AFAP1L1: variants seen among roughly 807,000 people sequenced by gnomAD.
AFAP1L1 encodes the protein actin filament-associated protein 1-like 1.
In AFAP1L1, 77 loss-of-function variants were observed where a neutral mutation model predicts 99.8. The observed-to-expected ratio is 0.77, with a 90% CI of 0.64 to 0.93. The LOEUF is 0.93. AFAP1L1 is among the 40% of genes least tolerant of loss of function. AFAP1L1 has a pLI of 0.00. For synonymous variants in AFAP1L1, 373 were observed against 395.3 expected (o/e 0.94, Z 0.67); for missense variants, 893 against 996.8 (o/e 0.90, Z 1.40).
intron 1 of AFAP1L1, among the ~76,000 whole-genome samples, chr5:149,287,668 C>T (rs1280567506): frequency 6.6e-6 from 1 of 151,854 alleles, no homozygotes; most frequent in East Asian, 1.9e-4. Flanking sequence ...ATGCAGCCTC[C>T]ACCTCCTGGG....
intron 1 of AFAP1L1, among the ~76,000 whole-genome samples, chr5:149,273,126 C>T (rs979842552): frequency 6.6e-6 from 1 of 150,716 alleles, no homozygotes; most frequent in Admixed American, 6.6e-5. Flanking sequence ...AATCAGAACC[C>T]CAGGGTTTCA....
chr5:149,300,554 C>T (rs928232764), intron 3 of AFAP1L1, among the ~76,000 whole-genome samples, 200 bp downstream of exon 3: 4 of 152,238 alleles, frequency 2.6e-5, no homozygotes, highest in African/African-American at 9.6e-5. Context: ...AGCTCAGAGA[C>T]TTGAGGAATG....
At chr5:149,337,291 C>T (rs1454847313) in intron 18 of AFAP1L1, among the ~76,000 whole-genome samples, 1 of 152,072 alleles carries the variant, frequency 6.6e-6, no homozygotes, top group African/African-American at 2.4e-5. Flanking sequence ...TAAAAAGTCA[C>T]TTTTTACTGT....
chr5:149,292,882 C>A (rs543568101), intron 1 of AFAP1L1, among the ~76,000 whole-genome samples: 1 of 152,294 alleles, frequency 6.6e-6, no homozygotes, highest in South Asian at 2.1e-4. Flanking sequence ...CAGCAAGGAC[C>A]CAGGATTCCT....
At chr5:149,276,689 C>G (rs1247652124) in intron 1 of AFAP1L1, 1 of 152,326 alleles carries the variant, frequency 6.6e-6, no homozygotes, top group Non-Finnish European at 1.5e-5. Context: ...CCCACACTCA[C>G]CATTAATAAG....
chr5:149,321,738 A>G (rs529344589), intron 14 of AFAP1L1, among the ~76,000 whole-genome samples: 132 of 150,906 alleles, frequency 8.7e-4, no homozygotes, highest in African/African-American at 3.2e-3. Flanking sequence ...AAAAAAAAAA[A>G]AAAAAAAAAC....
At chr5:149,330,770 G>A (rs929130599) in intron 16 of AFAP1L1, among the ~76,000 whole-genome samples, 12 of 152,080 alleles carry the variant, frequency 7.9e-5, no homozygotes, top group Non-Finnish European at 4.4e-5. Context: ...CACTACCACT[G>A]TGTAACATAT....
intron 6 of AFAP1L1, 75 bp downstream of exon 6, chr5:149,306,479 T>C: frequency 7.3e-7 from 1 of 1,371,694 alleles, no homozygotes; most frequent in East Asian, 2.5e-5. Context: ...TCCTGGCCCT[T>C]AGCATGGGTG....
At chr5:149,308,110 C>A (rs1376704154) in intron 7 of AFAP1L1, among the ~76,000 whole-genome samples, 1 of 152,096 alleles carries the variant, frequency 6.6e-6, no homozygotes, top group Non-Finnish European at 1.5e-5. Context: ...GATCATACCA[C>A]TACACTCCAA....
rs566957401 is a variant in AFAP1L1 at position 149,304,659 on chromosome 5, G to A, written c.437-1647G>A. ...GAGTATCCTTCCTCTCGCTCACAGC[G>A]TCCAGCCCTGCCAGGTGTCTGAGTA... is the stretch of plus-strand genomic sequence containing the variant. On this transcript the variant is annotated intron_variant, in intron 5 of 18. Coordinates refer to ENST00000296721, the MANE Select transcript of AFAP1L1 (RefSeq NM_152406.4). Among the ~76,000 whole-genome samples, 10 of 152,294 alleles carry A rather than the reference G, an allele frequency of 6.6e-5. No homozygotes were observed. In the East Asian group the frequency reaches 9.7e-4, roughly 15 times the overall value.
At chr5:149,322,879 A>T (rs535067679) in intron 15 of AFAP1L1, among the ~76,000 whole-genome samples, 162 bp downstream of exon 15, 42 of 152,280 alleles carry the variant, frequency 2.8e-4, no homozygotes, top group African/African-American at 9.9e-4. Flanking sequence ...AAGCACAATG[A>T]TAAAGGGCAG....
rs1213352034 is a variant in AFAP1L1, at chr5:149,271,920, C to T, written c.-49C>T. On this transcript the variant is annotated 5_prime_UTR_variant, in exon 1 of 19. Coordinates refer to ENST00000296721, the MANE Select transcript of AFAP1L1 (RefSeq NM_152406.4). ...GCGCGCCGGCCGCTACCAGCCGCGC[C>T]GGAGCCCCTGCGCCCTGCGGCCCGC... 3 of 1,214,958 alleles carry T rather than the reference C, an allele frequency of 2.5e-6. No homozygotes were observed. Among genetic ancestry groups the T allele is most frequent in the African/African-American group, 1.6e-5 (1 of 63,546 alleles). The allele number at this position is 1,214,958 out of a possible 1,614,324, so 75.3% of individuals were successfully genotyped here. A position where few individuals can be genotyped will look rare whatever the true frequency, so the allele number is the denominator to read the frequency against.
chr5:149,316,040 T>C, intron 10 of AFAP1L1, 111 bp from the exon 11 acceptor site: 2 of 1,571,246 alleles, frequency 1.3e-6, no homozygotes, highest in Non-Finnish European at 1.7e-6. Context: ...TGGCCTGCCA[T>C]CCCTGGAGCT....
rs750175676 is a variant in AFAP1L1, at chr5:149,329,701, G to A, written c.1846G>A (p.Glu616Lys). ...NQYKYGKNRA[E>K]EDARRYLVEK... ...ATACAAGTATGGCAAGAACCGAGCC[G>A]AGGAGGATGCCCGGAGGTACTTGGT... Residue 616 changes from glutamate (E) to lysine (K), a missense_variant, in exon 16 of 19, where the codon GAG becomes AAG. Coordinates refer to ENST00000296721, the MANE Select transcript of AFAP1L1 (RefSeq NM_152406.4). The A allele has an allele frequency of 1.6e-5, 26 of 1,613,922 alleles. No individual in the cohort carries two copies. The highest frequency in any genetic ancestry group is 5.5e-5 in the South Asian group (5 of 91,058).
chr5:149,306,192 G>A, intron 5 of AFAP1L1, 114 bp from the exon 6 acceptor site: 2 of 812,132 alleles, frequency 2.5e-6, no homozygotes, highest in Non-Finnish European at 1.9e-6. Flanking sequence ...GCTGCTCAGA[G>A]TGCCTGCTGT....
chr5:149,281,913 G>A (rs1230302440), intron 1 of AFAP1L1, among the ~76,000 whole-genome samples: 1 of 152,182 alleles, frequency 6.6e-6, no homozygotes, highest in African/African-American at 2.4e-5. Flanking sequence ...AGGGGGTATA[G>A]CCGGGCAGCC....
At chr5:149,293,150 A>G (rs1460405642) in intron 1 of AFAP1L1, among the ~76,000 whole-genome samples, 2 of 152,230 alleles carry the variant, frequency 1.3e-5, no homozygotes, top group Non-Finnish European at 2.9e-5. Context: ...GCGATCACAG[A>G]TGAGTGAAGA....
chr5:149,314,825 A>T (rs1236684844), intron 9 of AFAP1L1, among the ~76,000 whole-genome samples: 3 of 152,222 alleles, frequency 2.0e-5, no homozygotes, highest in African/African-American at 7.2e-5. Flanking sequence ...GAGCTCTGTA[A>T]TTCCACCTTC....
chr5:149,328,342 C>T (rs1289778685), intron 15 of AFAP1L1, among the ~76,000 whole-genome samples: 2 of 152,164 alleles, frequency 1.3e-5, no homozygotes, highest in Admixed American at 1.3e-4. Context: ...TAAAACTTTC[C>T]CTAAGAGGTT....
Sources: allele counts gnomAD v4.1 joint callset (sites outside exome capture counted in the v4.1 genomes callset), GRCh38; gene constraint gnomAD v4.1.1; transcripts MANE v1.5; gene names NCBI Gene and HGNC (gene_info 2026-07-23, HGNC 2026-07-21).